The following LGR5 variants were observed in gnomAD, a reference collection of about 807,000 sequenced individuals.
LGR5 encodes the protein leucine-rich repeat-containing G protein-coupled receptor 5.
A neutral mutation model predicts 76.7 loss-of-function variants in LGR5; 54 were observed. The observed-to-expected ratio is 0.70, with a 90% CI of 0.57 to 0.88. The LOEUF is 0.88. Among genes scored for constraint, LGR5 ranks in the 40% least tolerant of loss-of-function variants. LGR5 has a pLI of 0.00. For missense variants in LGR5, 1,078 were observed against 1,073.3 expected (o/e 1.00, Z -0.06); for synonymous variants, 406 against 421.9 (o/e 0.96, Z 0.46).
Position 71,446,478 on chromosome 12 carries a change from C to T in LGR5, c.212+6186C>T, listed in dbSNP as rs79146043. On this transcript the variant is annotated intron_variant, in intron 1 of 17. Coordinates refer to ENST00000266674, the MANE Select transcript of LGR5 (RefSeq NM_003667.4). ...TAAATACTTTACTCAGTCAATACCC[C>T]CCTTGTGGTGGGGCAACTTGTGACG... Among the ~76,000 whole-genome samples the T allele has an allele frequency of 5.5e-3, 841 of 152,260 alleles. 7 individuals are homozygous for T. Among genetic ancestry groups the T allele is most frequent in the African/African-American group, 0.018 (765 of 41,548 alleles).
intron 1 of LGR5, among the ~76,000 whole-genome samples, chr12:71,495,359 T>C (rs927739013): frequency 6.6e-6 from 1 of 151,328 alleles, no homozygotes; most frequent in Non-Finnish European, 1.5e-5. Flanking sequence ...CTTAGTTGGC[T>C]GCTTATGATT....
intron 1 of LGR5, among the ~76,000 whole-genome samples, chr12:71,471,649 T>G (rs114419496): frequency 0.046 from 6,984 of 152,158 alleles, 176 homozygotes; most frequent in African/African-American, 0.078. Context: ...TTGTTTTTTT[T>G]TTTTTAAGAG....
At chr12:71,580,669 A>G (rs1879052253) in intron 16 of LGR5, among the ~76,000 whole-genome samples, 1 of 152,118 alleles carries the variant, frequency 6.6e-6, no homozygotes, top group Non-Finnish European at 1.5e-5. Context: ...ATGGTGGCAC[A>G]TGCCAGTAAT....
At chr12:71,539,934 A>G (rs1876792479) in intron 4 of LGR5, among the ~76,000 whole-genome samples, 1 of 152,222 alleles carries the variant, frequency 6.6e-6, no homozygotes, top group South Asian at 2.1e-4. Flanking sequence ...GACACCAATT[A>G]GATTTTTTGT....
intron 1 of LGR5, among the ~76,000 whole-genome samples, chr12:71,453,750 A>G (rs1217075237): frequency 6.6e-6 from 1 of 152,018 alleles, no homozygotes; most frequent in African/African-American, 2.4e-5. Flanking sequence ...CTACTTTAAG[A>G]ACAAAAACTG....
intron 4 of LGR5, among the ~76,000 whole-genome samples, chr12:71,541,140 TGCCCG>T (rs1320416184): frequency 6.6e-6 from 1 of 152,224 alleles, no homozygotes; most frequent in Non-Finnish European, 1.5e-5. Flanking sequence ...GGAAAAGTTT[TGCCCG>T]GACTCTTCTC....
intron 4 of LGR5, among the ~76,000 whole-genome samples, chr12:71,541,433 A>G (rs1174620058): frequency 6.6e-6 from 1 of 152,222 alleles, no homozygotes; most frequent in African/African-American, 2.4e-5. Context: ...CTTGTGGTGT[A>G]AAATGAAGGT....
intron 4 of LGR5, among the ~76,000 whole-genome samples, chr12:71,537,725 A>G (rs1014089249): frequency 2.6e-5 from 4 of 152,174 alleles, no homozygotes; most frequent in Non-Finnish European, 5.9e-5. Flanking sequence ...TTTACTGATC[A>G]TTACAAACAT....
At chr12:71,483,052 C>G (rs1873677931) in intron 1 of LGR5, among the ~76,000 whole-genome samples, 1 of 151,898 alleles carries the variant, frequency 6.6e-6, no homozygotes, top group Non-Finnish European at 1.5e-5. Context: ...GCCCTGTAAA[C>G]TGTAAAGTTC....
At chr12:71,534,373 ACACAAATACTT>A (rs1876478075) in intron 3 of LGR5, among the ~76,000 whole-genome samples, 1 of 152,224 alleles carries the variant, frequency 6.6e-6, no homozygotes. Flanking sequence ...AAGTGCAAAA[ACACAAATACTT>A]CACAAAAAGA....
intron 4 of LGR5, among the ~76,000 whole-genome samples, chr12:71,543,889 C>A (rs185143112): frequency 3.3e-5 from 5 of 152,128 alleles, no homozygotes; most frequent in Non-Finnish European, 5.9e-5. Flanking sequence ...AGATTTTAAA[C>A]CCTGGTGATA....
rs1449571064 is a variant in LGR5, at chr12:71,495,084, G to T, written c.213-9530G>T. On this transcript the variant is annotated intron_variant, in intron 1 of 17. Coordinates refer to ENST00000266674, the MANE Select transcript of LGR5 (RefSeq NM_003667.4). ...CAAGGATTTGGGGCGTAGTCGGGGG[G>T]GGTCTCCTTTGAATCCCACTTCTGA... 2.0e-5 allele frequency among the ~76,000 whole-genome samples: 3 copies of T among 150,686 alleles called. No homozygotes were observed. The South Asian group carries it at 6.2e-4, about 31-fold the overall frequency.
intron 7 of LGR5, among the ~76,000 whole-genome samples, chr12:71,561,377 A>G (rs1038707967): frequency 3.3e-5 from 5 of 152,178 alleles, no homozygotes; most frequent in Non-Finnish European, 7.3e-5. Flanking sequence ...TTAAATCTTT[A>G]CTTCACTGCA....
At chr12:71,476,608 A>C (rs1269281118) in intron 1 of LGR5, among the ~76,000 whole-genome samples, 1 of 152,190 alleles carries the variant, frequency 6.6e-6, no homozygotes, top group African/African-American at 2.4e-5. Context: ...TGGATCGTTG[A>C]TGGCATCTTG....
chr12:71,558,419 C>A (rs897054418), intron 6 of LGR5, among the ~76,000 whole-genome samples: 2 of 152,138 alleles, frequency 1.3e-5, no homozygotes, highest in African/African-American at 4.8e-5. Context: ...CTCTACCTTG[C>A]CCAGGGCTAC....
At position 71,440,504 on chromosome 12, in the gene LGR5, AT is replaced by A. The variant is rs1453584962; in HGVS notation, c.212+213del. ...CGGCACTTTCTGGACCCGCAGAGAAATGGCTTCGAGTGCAACCCGGGAAAGC... is the reference window on the plus strand; with the variant it reads ...CGGCACTTTCTGGACCCGCAGAGAAAGGCTTCGAGTGCAACCCGGGAAAGC... On this transcript the variant is annotated intron_variant, in intron 1 of 17. Coordinates refer to ENST00000266674, the MANE Select transcript of LGR5 (RefSeq NM_003667.4). This position sits in a 1 kb window ranked among gnomAD's most constrained non-coding sequence, Gnocchi z 5.3. 2.6e-5 allele frequency among the ~76,000 whole-genome samples: 4 copies of A among 152,144 alleles called. No individual in the cohort carries two copies. The highest frequency in any genetic ancestry group is 9.7e-5 in the African/African-American group (4 of 41,444).
intron 16 of LGR5, among the ~76,000 whole-genome samples, chr12:71,581,596 T>G (rs1527108): frequency 0.026 from 3,916 of 152,362 alleles, 189 homozygotes; most frequent in African/African-American, 0.09. Context: ...CTTTTTTGTT[T>G]TAGGCCACAG....
chr12:71,480,398 G>A (rs1021087094), intron 1 of LGR5, among the ~76,000 whole-genome samples: 1 of 151,726 alleles, frequency 6.6e-6, no homozygotes, highest in African/African-American at 2.4e-5. Flanking sequence ...GGAACAAGTG[G>A]GATGAAGCAG....
intron 2 of LGR5, among the ~76,000 whole-genome samples, chr12:71,515,703 A>G (rs917791465): frequency 6.6e-6 from 1 of 152,254 alleles, no homozygotes; most frequent in African/African-American, 2.4e-5. Flanking sequence ...TAACATTTAT[A>G]GACTGTATGC....
Sources: allele counts gnomAD v4.1 joint callset (sites outside exome capture counted in the v4.1 genomes callset), GRCh38; gene constraint gnomAD v4.1.1; non-coding constraint Gnocchi (gnomAD v3.1); transcripts MANE v1.5; gene names NCBI Gene and HGNC (gene_info 2026-07-23, HGNC 2026-07-21).